The following TOR1AIP1 variants were observed in gnomAD, a reference collection of about 807,000 sequenced individuals.
TOR1AIP1 encodes torsin 1A interacting protein 1, also known as torsin-1A-interacting protein 1.
Under a neutral mutation model 63.3 loss-of-function variants are expected in TOR1AIP1, and 54 were observed. The ratio of observed to expected loss-of-function variants is 0.85; its 90% confidence interval spans 0.69 to 1.07. The LOEUF (loss-of-function observed/expected upper bound fraction) is 1.07. Among genes scored for constraint, TOR1AIP1 ranks in the 50% least tolerant of loss-of-function variants. TOR1AIP1 has a pLI of 0.00. For missense variants in TOR1AIP1, 736 were observed against 715.0 expected, an observed-to-expected ratio of 1.03 and a Z score of -0.33; for synonymous variants, 294 against 273.5, an observed-to-expected ratio of 1.07 and a Z score of -0.74.
intron 1 of TOR1AIP1, chr1:179,883,968 G>T (rs1478940651): frequency 4.7e-6 from 1 of 211,980 alleles, no homozygotes; most frequent in Non-Finnish European, 1.0e-5. Flanking sequence ...ATAGGCGGAG[G>T]AGTGGGTTTT....
chr1:179,890,465 G>C (rs757442052), intron 3 of TOR1AIP1, among the ~76,000 whole-genome samples: 1 of 152,102 alleles, frequency 6.6e-6, no homozygotes, highest in African/African-American at 2.4e-5. Context: ...CTAAGGTTTT[G>C]TTAATGAACC....
intron 3 of TOR1AIP1, among the ~76,000 whole-genome samples, chr1:179,899,792 A>C (rs528476295): frequency 6.6e-6 from 1 of 152,182 alleles, no homozygotes; most frequent in East Asian, 1.9e-4. Flanking sequence ...TTACAGGCAC[A>C]CACCACCACT....
intron 2 of TOR1AIP1, 123 bp downstream of exon 2, chr1:179,884,892 C>T: frequency 1.6e-6 from 1 of 613,358 alleles, no homozygotes; most frequent in Non-Finnish European, 2.8e-6. Context: ...CTCAAGAGTA[C>T]CAGCCACCCA....
At chr1:179,917,426 C>T in intron 9 of TOR1AIP1, 26 bp from the exon 10 acceptor site, 2 of 1,575,298 alleles carry the variant, frequency 1.3e-6, no homozygotes, top group Non-Finnish European at 1.7e-6. Context: ...GTATTTATAT[C>T]TGTCATTTCT....
rs748833315 is a variant in TOR1AIP1 at position 179,918,175 on chromosome 1, G to T, written c.1688G>T (p.Arg563Leu). ...DPDKLNGLWS[R>L]ISHLVLPVQP... ...GACAAACTGAATGGCCTCTGGAGCC[G>T]TATTTCTCACTTAGTTCTGCCTGTG... Residue 563 changes from arginine to leucine, a missense_variant, in exon 10 of 10, where the codon CGT becomes CTT. Arg to Leu is a moderately radical substitution (Grantham distance 102, BLOSUM62 -2). Coordinates refer to ENST00000606911, the MANE Select transcript of TOR1AIP1 (RefSeq NM_015602.4). 1.2e-6 allele frequency: 2 copies of T among 1,611,730 alleles called. No homozygotes were observed. Among genetic ancestry groups the T allele is most frequent in the African/African-American group, 2.7e-5 (2 of 74,922 alleles).
intron 8 of TOR1AIP1, among the ~76,000 whole-genome samples, chr1:179,911,339 G>T (rs756840722): frequency 4.6e-5 from 7 of 152,022 alleles, no homozygotes; most frequent in African/African-American, 9.7e-5. Context: ...ATTTCTGCCC[G>T]CTTTGGTGAG....
At chr1:179,912,002 C>CTTTTTTT (rs1558046486) in intron 8 of TOR1AIP1, among the ~76,000 whole-genome samples, 1 of 127,986 alleles carries the variant, frequency 7.8e-6, no homozygotes. Flanking sequence ...TTTCTTTTTT[C>CTTTTTTT]TTTTTTTTCT....
chr1:179,894,222 G>A (rs934348216), intron 3 of TOR1AIP1, among the ~76,000 whole-genome samples: 1 of 149,474 alleles, frequency 6.7e-6, no homozygotes, highest in Non-Finnish European at 1.5e-5. Flanking sequence ...CCGCACTCCA[G>A]CCTGGGCGAC....
intron 9 of TOR1AIP1, 34 bp downstream of exon 9, chr1:179,914,088 T>G (rs1648917428): frequency 1.3e-6 from 2 of 1,581,424 alleles, no homozygotes; most frequent in East Asian, 4.5e-5. Context: ...ATTAAATATT[T>G]CTGTAAAATT....
At position 179,882,821 on chromosome 1, in the gene TOR1AIP1, C is replaced by T. The variant is rs1647765135; in HGVS notation, c.319C>T (p.Arg107Trp). Residue 107 changes from arginine to tryptophan, a missense_variant, in exon 1 of 10, where the codon CGG becomes TGG. By Grantham distance (101) the Arg-to-Trp change is moderately radical (BLOSUM62 -3). Transcript: ENST00000606911. ...EEVRESAYYL[R>W]SRQRRQPRPQ... ...AGTGAGAGAAAGCGCGTACTACCTT[C>T]GGTCTAGGCAGCGGAGGCAGCCGCG... The T allele has an allele frequency of 1.1e-5, 17 of 1,614,182 alleles. No individual in the cohort carries two copies. Among genetic ancestry groups the T allele is most frequent in the Non-Finnish European group, 1.1e-5 (13 of 1,180,038 alleles).
chr1:179,892,269 C>G (rs1256754329), intron 3 of TOR1AIP1, among the ~76,000 whole-genome samples: 1 of 151,806 alleles, frequency 6.6e-6, no homozygotes, highest in African/African-American at 2.4e-5. Context: ...GTCAGGAGTT[C>G]AAGACCAGCC....
chr1:179,898,381 T>A (rs192030294), intron 3 of TOR1AIP1, among the ~76,000 whole-genome samples: 1 of 152,280 alleles, frequency 6.6e-6, no homozygotes, highest in East Asian at 1.9e-4. Flanking sequence ...CATTTTAAGA[T>A]AATAACAAAA....
chr1:179,901,327 C>G lies in TOR1AIP1; in HGVS notation c.678C>G (p.Asp226Glu), dbSNP rs747798408. Residue 226 changes from aspartate to glutamate, a missense_variant, in exon 5 of 10, where the codon GAC (aspartate) becomes GAG (glutamate). This residue lies in a region of TOR1AIP1 where 464 missense variants were observed against 371.0 expected (regional missense o/e 1.25). Coordinates refer to ENST00000606911, the MANE Select transcript of TOR1AIP1 (RefSeq NM_015602.4). ...EEGETEEDDQ[D>E]SSHSSVTTVK... ...GAGAAACTGAAGAAGATGATCAAGA[C>G]AGCTCTCACAGCAGTGTCACTACTG... 1.2e-6 allele frequency: 2 copies of G among 1,610,982 alleles called. No individual in the cohort carries two copies. Among genetic ancestry groups the G allele is most frequent in the South Asian group, 2.2e-5 (2 of 90,550 alleles).
chr1:179,897,525 C>A (rs1192031916), intron 3 of TOR1AIP1, among the ~76,000 whole-genome samples: 5 of 152,336 alleles, frequency 3.3e-5, no homozygotes, highest in Admixed American at 2.0e-4. Flanking sequence ...AGTCATACTA[C>A]TGTACTGTGT....
chr1:179,903,816 T>G, intron 5 of TOR1AIP1, 150 bp from the exon 6 acceptor site: 4 of 525,380 alleles, frequency 7.6e-6, no homozygotes, highest in Non-Finnish European at 1.3e-5. Context: ...GCCTAGAAAT[T>G]TTTTAAATAA....
At chr1:179,907,695 A>G in intron 6 of TOR1AIP1, 128 bp from the exon 7 acceptor site, 1 of 460,322 alleles carries the variant, frequency 2.2e-6, no homozygotes, top group Non-Finnish European at 3.8e-6. Flanking sequence ...CTTGGAATTG[A>G]TGAGAGAATG....
chr1:179,909,801 C>T (rs189594751), intron 8 of TOR1AIP1, among the ~76,000 whole-genome samples: 51 of 151,904 alleles, frequency 3.4e-4, no homozygotes, highest in African/African-American at 1.1e-3. Flanking sequence ...CTCCCTCTGT[C>T]GCCCAGGTTG....
At chr1:179,908,309 G>A (rs187126036) in intron 7 of TOR1AIP1, among the ~76,000 whole-genome samples, 2 of 152,144 alleles carry the variant, frequency 1.3e-5, no homozygotes, top group African/African-American at 4.8e-5. Context: ...ACCACGGATT[G>A]GTACTACCTA....
chr1:179,913,991 C>T lies in TOR1AIP1; in HGVS notation c.908-7C>T, dbSNP rs745887150. 12 of 1,612,676 alleles carry T rather than the reference C, an allele frequency of 7.4e-6. No individual in the cohort carries two copies. Among genetic ancestry groups the T allele is most frequent in the Middle Eastern group, 3.3e-4 (2 of 6,082 alleles). On this transcript the variant is annotated splice_polypyrimidine_tract_variant and splice_region_variant and intron_variant, in intron 8 of 9. Transcript: ENST00000606911. ...TGATAGTCTTATTTTATTACTCTCA[C>T]CATTAGATGACAGCATTCTGAAATC...
Sources: allele counts gnomAD v4.1 joint callset (sites outside exome capture counted in the v4.1 genomes callset), GRCh38; gene constraint gnomAD v4.1.1; regional missense constraint gnomAD v4.1.1; transcripts MANE v1.5; gene names NCBI Gene and HGNC (gene_info 2026-07-23, HGNC 2026-07-21).